The following SLC4A9 variants were observed in gnomAD, a reference collection of about 807,000 sequenced individuals.
SLC4A9 encodes solute carrier family 4 member 9.
A neutral mutation model predicts 103.2 loss-of-function variants in SLC4A9; 102 were observed. The observed-to-expected ratio is 0.99, with a 90% CI of 0.84 to 1.17. The LOEUF (loss-of-function observed/expected upper bound fraction) is 1.17, where lower values mean the gene tolerates loss of function less well. Ranked by LOEUF, SLC4A9 falls within the 50% of genes most tolerant of loss-of-function variation. The pLI, the probability that SLC4A9 is intolerant of heterozygous loss-of-function variation, is 0.00. For synonymous variants in SLC4A9, 453 were observed against 483.6 expected, an observed-to-expected ratio of 0.94 and a Z score of 0.83; for missense variants, 1,091 against 1,193.7, an observed-to-expected ratio of 0.91 and a Z score of 1.27.
chr5:140,362,128 A>G lies in SLC4A9; in HGVS notation c.673A>G (p.Asn225Asp). The G allele has an allele frequency of 6.4e-7, 1 of 1,573,058 alleles. No individual in the cohort carries two copies. The highest frequency in any genetic ancestry group is 1.2e-5 in the South Asian group (1 of 83,924). Residue 225 changes from asparagine to aspartate, a missense_variant, in exon 5 of 22, where the codon AAC becomes GAC. Asn to Asp is a conservative substitution (Grantham distance 23). Coordinates refer to ENST00000506757, the MANE Select transcript of SLC4A9 (RefSeq NM_031467.3). Reference protein sequence around the residue: ...QPLGAFVRLRNPVVLGSLTEV... With the variant: ...QPLGAFVRLRDPVVLGSLTEV... ...ACTGGGAGCCTTTGTTCGACTGCGG[A>G]ACCCTGTGGTACTGGGGTCCCTTAC...
chr5:140,368,499 G>T lies in SLC4A9; in HGVS notation c.2355-88G>T, dbSNP rs963815554. 1.2e-5 allele frequency: 13 copies of T among 1,108,272 alleles called. No individual in the cohort carries two copies. In the South Asian group the frequency reaches 1.5e-4, roughly 13 times the overall value. 68.7% of individuals were successfully genotyped at this position (1,108,272 alleles called of 1,614,324 possible). A position where few individuals can be genotyped will look rare whatever the true frequency, so the allele number is the denominator to read the frequency against. ...TCCTCTAGTTTTCTCTTGCTGCCGG[G>T]GTCTGTACTGGTATTCAGCCAGGAT... On this transcript the variant is annotated intron_variant, in intron 16 of 21. Coordinates refer to ENST00000506757, the MANE Select transcript of SLC4A9 (RefSeq NM_031467.3).
Position 140,360,275 on chromosome 5 carries a change from C to T in SLC4A9, c.39C>T (p.Ala13=). 6.2e-7 allele frequency: 1 copy of T among 1,612,336 alleles called. No individual in the cohort carries two copies. Among genetic ancestry groups the T allele is most frequent in the South Asian group, 1.1e-5 (1 of 90,624 alleles). The change falls in exon 1 of 22, where the codon GCC becomes GCT. Residue 13 remains alanine (A), a synonymous_variant. Coordinates refer to ENST00000506757, the MANE Select transcript of SLC4A9 (RefSeq NM_031467.3). ...MKLPGQEGFE[A]SSAPRNIPSG... is the part of the protein sequence containing the mutation. ...TGCCAGGCCAGGAAGGGTTTGAAGC[C>T]TCCAGTGCTCCTAGAAATATTCCTT...
intron 21 of SLC4A9, among the ~76,000 whole-genome samples, chr5:140,373,160 G>A (rs999015481): frequency 1.3e-5 from 2 of 152,292 alleles, no homozygotes; most frequent in African/African-American, 2.4e-5. Flanking sequence ...GAAGGAAGAG[G>A]AAGGGAGGAG....
At chr5:140,372,604 G>A in intron 20 of SLC4A9, 141 bp from the exon 21 acceptor site, 1 of 1,439,860 alleles carries the variant, frequency 6.9e-7, no homozygotes, top group Non-Finnish European at 9.1e-7. Context: ...TGGGTGGAAA[G>A]GGCTGAGGCT....
rs1225755318 is a variant in SLC4A9, at chr5:140,365,995, A to G, written c.1872A>G (p.Val624=). The part of the protein sequence containing the change: ...SFFFAMALKC[V]KTSRFFPSVV... ...TCTTTGCTATGGCCCTCAAGTGTGT[A>G]AAGACCAGCCGCTTCTTCCCCTCTG... is the stretch of plus-strand genomic sequence containing the variant. The change falls in exon 13 of 22, where the codon GTA becomes GTG. Residue 624 remains valine, a synonymous_variant. Transcript: ENST00000506757. 2.5e-6 allele frequency: 4 copies of G among 1,613,952 alleles called. No individual in the cohort carries two copies. Among genetic ancestry groups the G allele is most frequent in the South Asian group, 2.2e-5 (2 of 91,080 alleles).
chr5:140,360,712 G>A, intron 1 of SLC4A9, 100 bp from the exon 2 acceptor site: 1 of 1,560,650 alleles, frequency 6.4e-7, no homozygotes, highest in South Asian at 1.2e-5. Flanking sequence ...CTGGGCCCAG[G>A]ATGCCCTCAT....
chr5:140,362,440 C>T lies in SLC4A9; in HGVS notation c.720-5C>T, dbSNP rs1368540078. On this transcript the variant is annotated splice_region_variant and splice_polypyrimidine_tract_variant and intron_variant, in intron 5 of 21. Coordinates refer to ENST00000506757, the MANE Select transcript of SLC4A9 (RefSeq NM_031467.3). ...TGAATCTCTGGGGCCTGGTTCCTTCCTCAGGTTTTTCTGCCTTCTCCTGGG... is the reference window on the plus strand; with the variant it reads ...TGAATCTCTGGGGCCTGGTTCCTTCTTCAGGTTTTTCTGCCTTCTCCTGGG... 6.2e-7 allele frequency: 1 copy of T among 1,613,866 alleles called. No homozygotes were observed. Among genetic ancestry groups the T allele is most frequent in the Admixed American group, 1.7e-5 (1 of 60,018 alleles).
At chr5:140,374,792 G>C (rs748017767) in intron 21 of SLC4A9, 35 bp from the exon 22 acceptor site, 9 of 152,168 alleles carry the variant, frequency 5.9e-5, no homozygotes, top group Admixed American at 2.0e-4. Flanking sequence ...TACTCAGGAA[G>C]TCAGGACATT....
Position 140,365,502 on chromosome 5 carries a change from T to C in SLC4A9, c.1652-18T>C. On this transcript the variant is annotated intron_variant, in intron 11 of 21. Coordinates refer to ENST00000506757, the MANE Select transcript of SLC4A9 (RefSeq NM_031467.3). Reference sequence around the variant, plus strand: ...CCAGGGGAGGGAACATACATCTGAATTCTTCTCTGCTTCCCAGGAAATGAG... The same window carrying C: ...CCAGGGGAGGGAACATACATCTGAACTCTTCTCTGCTTCCCAGGAAATGAG... 6.2e-7 allele frequency: 1 copy of C among 1,603,778 alleles called. No homozygotes were observed.
Position 140,363,187 on chromosome 5 carries a change from C to G in SLC4A9, c.962+121C>G. 2 of 1,304,358 alleles carry G rather than the reference C, an allele frequency of 1.5e-6. No individual in the cohort carries two copies. The highest frequency in any genetic ancestry group is 2.7e-5 in the South Asian group (2 of 73,400). 80.8% of individuals were successfully genotyped at this position (1,304,358 alleles called of 1,614,324 possible). A position where few individuals can be genotyped will look rare whatever the true frequency, so the allele number is the denominator to read the frequency against. On this transcript the variant is annotated intron_variant, in intron 7 of 21. Coordinates refer to ENST00000506757, the MANE Select transcript of SLC4A9 (RefSeq NM_031467.3). This position sits in a 1 kb window ranked among gnomAD's most constrained non-coding sequence, Gnocchi z 4.5. The stretch of plus-strand genomic sequence containing the variant: ...AGGGACCTATCTTTGGATTTGGAGT[C>G]AGGCAGACCTAACTCTGAGTTCTGC...
In SLC4A9 at chr5:140,363,663, G is replaced by C; in HGVS notation, c.1080-65G>C. The C allele has an allele frequency of 1.3e-6, 2 of 1,597,084 alleles. No homozygotes were observed. The highest frequency in any genetic ancestry group is 1.7e-6 in the Non-Finnish European group (2 of 1,170,650). On this transcript the variant is annotated intron_variant, in intron 8 of 21. Transcript: ENST00000506757. This position sits in a 1 kb window ranked among gnomAD's most constrained non-coding sequence, Gnocchi z 4.5. ...TGGGAGGGGCTCACCCGGTCACAGG[G>C]AAAGTAGCGGGGATGCGGGTGTGGA... is the stretch of plus-strand genomic sequence containing the variant.
In SLC4A9 at chr5:140,366,131, G is replaced by C. The variant is rs973627292; in HGVS notation, c.1900-20G>C. The C allele has an allele frequency of 1.4e-5, 22 of 1,611,236 alleles. No individual in the cohort carries two copies. The highest frequency in any genetic ancestry group is 1.8e-5 in the Non-Finnish European group (21 of 1,178,128). ...AGAGATGGCAGGCCTGGACCTGACT[G>C]AGTGTCCACTGTGTGCCAGGTGCGC... is the stretch of plus-strand genomic sequence containing the variant. On this transcript the variant is annotated intron_variant, in intron 13 of 21. Coordinates refer to ENST00000506757, the MANE Select transcript of SLC4A9 (RefSeq NM_031467.3).
rs1278155984 is a variant in SLC4A9, at chr5:140,363,318, CATGGTT to C, written c.963-120_963-115del. 9.8e-7 allele frequency: 1 copy of C among 1,021,050 alleles called. No individual in the cohort carries two copies. Among genetic ancestry groups the C allele is most frequent in the Non-Finnish European group, 1.4e-6 (1 of 697,238 alleles). The allele number at this position is 1,021,050 out of a possible 1,614,324, so 63.2% of individuals were successfully genotyped here. A position where few individuals can be genotyped will look rare whatever the true frequency, so the allele number is the denominator to read the frequency against. Reference sequence around the variant, plus strand: ...GACCTTCTAGAGGCCCAGGTGTCGCCATGGTTCCCTCGCCGGCAGAGACAAGAGCAG... The same window carrying C: ...GACCTTCTAGAGGCCCAGGTGTCGCCCCCTCGCCGGCAGAGACAAGAGCAG... On this transcript the variant is annotated intron_variant, in intron 7 of 21. Transcript: ENST00000506757. This position sits in a 1 kb window ranked among gnomAD's most constrained non-coding sequence, Gnocchi z 4.5.
rs1208028932 is a variant in SLC4A9 at position 140,361,386 on chromosome 5, G to A, written c.505+19G>A. 1 of 1,543,330 alleles carries A rather than the reference G, an allele frequency of 6.5e-7. No homozygotes were observed. Among genetic ancestry groups the A allele is most frequent in the South Asian group, 1.2e-5 (1 of 83,794 alleles). On this transcript the variant is annotated intron_variant, in intron 3 of 21. Transcript: ENST00000506757. ...TGCTGGGGTGAGAGCCCCTCCCTGG[G>A]CCCAGGACCAAGACCCTGGTGTGGC...
chr5:140,362,529 C>A lies in SLC4A9; in HGVS notation c.804C>A (p.Asp268Glu). 1 of 1,613,806 alleles carries A rather than the reference C, an allele frequency of 6.2e-7. No homozygotes were observed. Among genetic ancestry groups the A allele is most frequent in the Non-Finnish European group, 8.5e-7 (1 of 1,179,720 alleles). ...GGGCAGCAGCTGTCCTCCTCAGTGACCCGGTGAGCTGAGCAGGTGTGTGTG... is the reference window on the plus strand; with the variant it reads ...GGGCAGCAGCTGTCCTCCTCAGTGAACCGGTGAGCTGAGCAGGTGTGTGTG... ...MGRAAAVLLS[D>E]PQFQWSVRRA... Residue 268 changes from aspartate to glutamate, a missense_variant, in exon 6 of 22, where the codon GAC becomes GAA. By Grantham distance (45) the Asp-to-Glu change is conservative. Transcript: ENST00000506757.
In SLC4A9 at chr5:140,368,651, G is replaced by C; in HGVS notation, c.2419G>C (p.Val807Leu). 1.2e-6 allele frequency: 2 copies of C among 1,613,324 alleles called. No homozygotes were observed. Among genetic ancestry groups the C allele is most frequent in the Non-Finnish European group, 1.7e-6 (2 of 1,179,598 alleles). ...LTGASIFLAP[V>L]LKFIPMPVLY... ...AGGAGCCTCCATCTTCCTGGCACCT[G>C]TGCTCAAGGTACCTTTGTTATACAA... Residue 807 changes from valine (V) to leucine (L), a missense_variant, in exon 17 of 22, where the codon GTG (valine) becomes CTG (leucine). Val to Leu is a conservative substitution (Grantham distance 32). Transcript: ENST00000506757.
chr5:140,360,725 C>T (rs1377551988), intron 1 of SLC4A9, 87 bp from the exon 2 acceptor site: 1 of 1,584,600 alleles, frequency 6.3e-7, no homozygotes, highest in South Asian at 1.1e-5. Context: ...GCCCTCATTG[C>T]CTTGCCTTCC....
chr5:140,361,107 C>A, intron 2 of SLC4A9, 135 bp downstream of exon 2: 1 of 1,191,120 alleles, frequency 8.4e-7, no homozygotes, highest in Non-Finnish European at 1.2e-6. Context: ...ACAGGGTGGA[C>A]ATGGAAAAGC....
chr5:140,364,413 TG>T lies in SLC4A9; in HGVS notation c.1441del (p.Ala481LeufsTer44). ...TTCCGCCTATGGGTGGGCATCTGGG[TG>T]GCTACCTTTTGCCTGGTGCTGGTGG... is the stretch of plus-strand genomic sequence containing the variant. ...LPFRLWVGIW[V>X]ATFCLVLVAT... On this transcript the variant is annotated frameshift_variant, in exon 11 of 22. Transcript: ENST00000506757. LOFTEE classifies it high-confidence loss of function. The T allele has an allele frequency of 6.2e-7, 1 of 1,613,622 alleles. No individual in the cohort carries two copies. The highest frequency in any genetic ancestry group is 8.5e-7 in the Non-Finnish European group (1 of 1,179,846).
Sources: allele counts gnomAD v4.1 joint callset (sites outside exome capture counted in the v4.1 genomes callset), GRCh38; gene constraint gnomAD v4.1.1; non-coding constraint Gnocchi (gnomAD v3.1); transcripts MANE v1.5; gene names NCBI Gene and HGNC (gene_info 2026-07-23, HGNC 2026-07-21).